The following FMN1 variants were observed in gnomAD, a reference collection of about 807,000 sequenced individuals.
The protein encoded by FMN1 is formin 1.
A neutral mutation model predicts 132.4 loss-of-function variants in FMN1; 110 were observed. That is an observed-to-expected ratio of 0.83 (90% CI 0.71 to 0.97). The LOEUF (loss-of-function observed/expected upper bound fraction) is 0.97. FMN1 is among the 50% of genes least tolerant of loss of function. The probability of loss-of-function intolerance (pLI) is 0.00; values close to 1 mark genes in which losing one functional copy is unlikely to be tolerated. For missense variants in FMN1, 1,792 were observed against 1,705.3 expected (o/e 1.05, Z -0.90); for synonymous variants, 722 against 651.7 (o/e 1.11, Z -1.64).
intron 4 of FMN1, among the ~76,000 whole-genome samples, chr15:33,115,378 G>A (rs1276821422): frequency 6.6e-6 from 1 of 152,124 alleles, no homozygotes; most frequent in Non-Finnish European, 1.5e-5. Context: ...TGTGTAAGAA[G>A]ATGGCATATT....
intron 19 of FMN1, among the ~76,000 whole-genome samples, chr15:32,794,171 TAA>T (rs11353364): frequency 1.3e-5 from 2 of 152,024 alleles, no homozygotes; most frequent in African/African-American, 2.4e-5. Flanking sequence ...GGCTGGGTAA[TAA>T]AAAAAACAGC....
intron 16 of FMN1, among the ~76,000 whole-genome samples, chr15:32,871,285 T>C (rs567463382): frequency 6.6e-6 from 1 of 152,322 alleles, no homozygotes; most frequent in Admixed American, 6.5e-5. Context: ...TTGCATACTT[T>C]CTCTTTCAGG....
chr15:33,153,396 A>G lies in FMN1; in HGVS notation c.1519T>C (p.Ser507Pro). ...TTGTGTGTGCTGGACTGCGAGGCTG[A>G]ATTATTAAACACCTTGCCAAGAGCT... is the stretch of plus-strand genomic sequence containing the variant. Reference protein sequence around the residue: ...PAALGKVFNNSASQSSTHKQT... With the variant: ...PAALGKVFNNPASQSSTHKQT... Residue 507 changes from serine to proline, a missense_variant, in exon 4 of 21, where the codon TCA becomes CCA. This residue lies in a region of FMN1 where 638 missense variants were observed against 645.2 expected (regional missense o/e 0.99). Transcript: ENST00000616417. 1 of 1,536,610 alleles carries G rather than the reference A, an allele frequency of 6.5e-7. No homozygotes were observed. Among genetic ancestry groups the G allele is most frequent in the Non-Finnish European group, 8.7e-7 (1 of 1,146,990 alleles).
At chr15:33,087,942 A>C (rs2038763031) in intron 5 of FMN1, among the ~76,000 whole-genome samples, 1 of 152,100 alleles carries the variant, frequency 6.6e-6, no homozygotes, top group Non-Finnish European at 1.5e-5. Flanking sequence ...TATTATTCTA[A>C]GTAAAGTAAC....
rs547684956 is a variant in FMN1, at chr15:32,888,927, C to T, written c.3715-635G>A. 8.6e-5 allele frequency among the ~76,000 whole-genome samples: 13 copies of T among 150,396 alleles called. No homozygotes were observed. The South Asian group carries it at 1.5e-3, about 17-fold the overall frequency. ...AGGCTTGAGTGCACTGACACAATCA[C>T]GGTTCACTGCAGCCTTGACCTTCCA... On this transcript the variant is annotated intron_variant, in intron 15 of 20. Coordinates refer to ENST00000616417, the MANE Select transcript of FMN1 (RefSeq NM_001277313.2).
intron 14 of FMN1, 131 bp from the exon 15 acceptor site, chr15:32,899,024 G>C (rs1390946269): frequency 3.1e-6 from 2 of 637,158 alleles, no homozygotes; most frequent in Non-Finnish European, 5.6e-6. Flanking sequence ...TGCTGGCAAG[G>C]TTTTCCTTCC....
intron 9 of FMN1, among the ~76,000 whole-genome samples, chr15:32,963,708 T>C (rs1346235737): frequency 1.3e-5 from 2 of 152,118 alleles, no homozygotes; most frequent in Non-Finnish European, 2.9e-5. Context: ...GTAGACTACT[T>C]TCACTAACTA....
At chr15:33,190,236 A>C (rs1966027400) in intron 2 of FMN1, among the ~76,000 whole-genome samples, 1 of 152,318 alleles carries the variant, frequency 6.6e-6, no homozygotes, top group Middle Eastern at 3.4e-3. Context: ...TATCTTCTCT[A>C]CTGAGAAGAG....
At chr15:33,112,292 A>AC (rs1555402177) in intron 4 of FMN1, among the ~76,000 whole-genome samples, 1 of 31,344 alleles carries the variant, frequency 3.2e-5, no homozygotes, top group African/African-American at 1.2e-4. Flanking sequence ...CAGTGCATAA[A>AC]ACAAAATATT....
At chr15:32,800,957 A>G (rs1237646106) in intron 18 of FMN1, among the ~76,000 whole-genome samples, 1 of 152,114 alleles carries the variant, frequency 6.6e-6, no homozygotes, top group African/African-American at 2.4e-5. Flanking sequence ...TATTTATTTG[A>G]GCATTCATGG....
At position 32,771,086 on chromosome 15, in the gene FMN1, TGCTTTTTTTTTTG is replaced by T. The variant is rs1456816738; in HGVS notation, c.*3211_*3223del. 2 of 142,960 alleles carry T rather than the reference TGCTTTTTTTTTTG, an allele frequency of 1.4e-5. No individual in the cohort carries two copies. Among genetic ancestry groups the T allele is most frequent in the Non-Finnish European group, 3.1e-5 (2 of 65,184 alleles). 8.9% of individuals were successfully genotyped at this position (142,960 alleles called of 1,614,324 possible). ...GGTTTTTGATACTTCATGGGCCTGATGCTTTTTTTTTTGAAACGGAGTCTCACTGTCGCCCAGG... is the reference window on the plus strand; with the variant it reads ...GGTTTTTGATACTTCATGGGCCTGATAAACGGAGTCTCACTGTCGCCCAGG... On this transcript the variant is annotated 3_prime_UTR_variant, in exon 21 of 21. Coordinates refer to ENST00000616417, the MANE Select transcript of FMN1 (RefSeq NM_001277313.2).
At chr15:32,994,855 G>A (rs2033669004) in intron 7 of FMN1, among the ~76,000 whole-genome samples, 1 of 152,164 alleles carries the variant, frequency 6.6e-6, no homozygotes, top group African/African-American at 2.4e-5. Flanking sequence ...AGTACATTAA[G>A]CACTGCCTAT....
At chr15:32,871,508 A>G (rs1177262117) in intron 16 of FMN1, among the ~76,000 whole-genome samples, 4 of 152,176 alleles carry the variant, frequency 2.6e-5, no homozygotes, top group Non-Finnish European at 4.4e-5. Flanking sequence ...ATTCTCCTGT[A>G]GTTGGATAGT....
intron 6 of FMN1, chr15:33,063,958 A>C (rs2037600979): frequency 6.6e-6 from 1 of 152,214 alleles, no homozygotes; most frequent in South Asian, 2.1e-4. Flanking sequence ...TGTAAGTCAA[A>C]CACCACAGAA....
At chr15:33,131,020 G>T (rs1046068376) in intron 4 of FMN1, among the ~76,000 whole-genome samples, 3 of 152,118 alleles carry the variant, frequency 2.0e-5, no homozygotes, top group African/African-American at 7.2e-5. Context: ...CTATGAAAGA[G>T]CACTGTAAAC....
chr15:32,893,833 T>G (rs1483561483), intron 15 of FMN1, among the ~76,000 whole-genome samples: 1 of 152,250 alleles, frequency 6.6e-6, no homozygotes. Context: ...CAACCACAAC[T>G]ATATTCCACA....
intron 7 of FMN1, among the ~76,000 whole-genome samples, chr15:32,980,378 T>A (rs1293248766): frequency 6.6e-6 from 1 of 152,148 alleles, no homozygotes; most frequent in Non-Finnish European, 1.5e-5. Flanking sequence ...GGCTGCTATG[T>A]AACCTTAAAC....
intron 7 of FMN1, among the ~76,000 whole-genome samples, chr15:32,985,718 C>A (rs189094101): frequency 5.4e-4 from 78 of 143,388 alleles, no homozygotes; most frequent in African/African-American, 1.7e-3. Context: ...TCCAAATTGA[C>A]AGGTCTATCT....
At chr15:33,112,828 T>C (rs1179400463) in intron 4 of FMN1, among the ~76,000 whole-genome samples, 1 of 152,126 alleles carries the variant, frequency 6.6e-6, no homozygotes, top group Non-Finnish European at 1.5e-5. Flanking sequence ...ATGAAGGGCA[T>C]TTGCAGCAGA....
Sources: gnomAD v4.1 joint callset for allele counts (sites outside exome capture counted in the v4.1 genomes callset) on GRCh38, gnomAD v4.1.1 for gene constraint, gnomAD v4.1.1 regional missense constraint, MANE v1.5 for transcripts, NCBI Gene and HGNC (gene_info 2026-07-23, HGNC 2026-07-21) for gene names.